Variants in NFIB observed in about 807,000 individuals in gnomAD.
NFIB encodes nuclear factor 1 B-type.
In NFIB, 11 loss-of-function variants were observed where a neutral mutation model predicts 61.5. That is an observed-to-expected ratio of 0.18 (90% confidence interval 0.11 to 0.30). The LOEUF (loss-of-function observed/expected upper bound fraction) is 0.30, where lower values mean the gene tolerates loss of function less well. Among genes scored for constraint, NFIB ranks in the 10% least tolerant of loss-of-function variants. NFIB has a pLI of 1.00. For missense variants in NFIB, 471 were observed against 608.9 expected, an observed-to-expected ratio of 0.77 and a Z score of 2.38; for synonymous variants, 260 against 216.5, an observed-to-expected ratio of 1.20 and a Z score of -1.76.
At chr9:14,365,631 T>C (rs748671446) in intron 1 of NFIB, among the ~76,000 whole-genome samples, 2 of 152,242 alleles carry the variant, frequency 1.3e-5, no homozygotes, top group Non-Finnish European at 2.9e-5. Context: ...TAGATTCTTA[T>C]ACCTTCTAAG....
the NFIB span, among the ~76,000 whole-genome samples, chr9:14,507,997 T>C: frequency 3.1e-4 from 46 of 149,826 alleles, no homozygotes; most frequent in Admixed American, 8.0e-4. Context: ...CACACACATA[T>C]ATATATATAT....
chr9:14,259,162 A>C (rs2056508608), intron 2 of NFIB, among the ~76,000 whole-genome samples: 1 of 152,206 alleles, frequency 6.6e-6, no homozygotes, highest in African/African-American at 2.4e-5. Flanking sequence ...GTTACATACA[A>C]AGCTCATGAA....
intron 2 of NFIB, among the ~76,000 whole-genome samples, chr9:14,260,685 T>C (rs4740564): frequency 0.096 from 14,590 of 152,216 alleles, 982 homozygotes; most frequent in East Asian, 0.26. Flanking sequence ...ACTGTCTACC[T>C]AGAGTGACAA....
rs2060407292 is a variant in NFIB, at chr9:14,313,826, T to TG, written c.-316dup. On this transcript the variant is annotated 5_prime_UTR_variant, in exon 1 of 11. Transcript: ENST00000380953. This position sits in a 1 kb window ranked among gnomAD's most constrained non-coding sequence, Gnocchi z 4.5. ...GTGTTGGCTGCTTTTCGCCTGGGTT[T>TG]GGGGATTTGTTTTCTATTTTGCAGT... 3.1e-6 allele frequency: 4 copies of TG among 1,294,192 alleles called. No homozygotes were observed. Among genetic ancestry groups the TG allele is most frequent in the Non-Finnish European group, 2.9e-6 (3 of 1,018,224 alleles). The allele number at this position is 1,294,192 out of a possible 1,614,324, so 80.2% of individuals were successfully genotyped here.
chr9:14,510,381 AC>A, the NFIB span, among the ~76,000 whole-genome samples: 1 of 152,098 alleles, frequency 6.6e-6, no homozygotes, highest in African/African-American at 2.4e-5. Context: ...CCAGAAATCC[AC>A]CCCACACTAG....
At chr9:14,295,701 C>A (rs1168070612) in intron 2 of NFIB, among the ~76,000 whole-genome samples, 2 of 152,110 alleles carry the variant, frequency 1.3e-5, no homozygotes, top group Non-Finnish European at 2.9e-5. Flanking sequence ...ATCACTTCTG[C>A]CGAAACAAAT....
chr9:14,327,519 G>A (rs964046984), intron 1 of NFIB, among the ~76,000 whole-genome samples: 7 of 152,176 alleles, frequency 4.6e-5, no homozygotes, highest in African/African-American at 1.7e-4. Context: ...TGGGCTGGGT[G>A]CTGCCATACA....
At chr9:14,465,108 C>A in the NFIB span, among the ~76,000 whole-genome samples, 1 of 152,196 alleles carries the variant, frequency 6.6e-6, no homozygotes, top group African/African-American at 2.4e-5. Flanking sequence ...GCAAAGGCTT[C>A]ACTGTAGAGA....
chr9:14,511,156 T>C, the NFIB span, among the ~76,000 whole-genome samples: 2 of 152,186 alleles, frequency 1.3e-5, no homozygotes, highest in African/African-American at 4.8e-5. Context: ...TCTTTATCTT[T>C]CCAGTACTAG....
chr9:14,325,299 A>AAAAATGAATTGT (rs1441313811), intron 1 of NFIB, among the ~76,000 whole-genome samples: 1 of 152,104 alleles, frequency 6.6e-6, no homozygotes, highest in Non-Finnish European at 1.5e-5. Context: ...TTCTGCCTTA[A>AAAAATGAATTGT]GTTGCAGGCA....
intron 1 of NFIB, among the ~76,000 whole-genome samples, chr9:14,336,644 C>T (rs2060889118): frequency 6.6e-6 from 1 of 152,216 alleles, no homozygotes. Flanking sequence ...TAAGCAGGAC[C>T]AGCTTCATGG....
chr9:14,242,296 G>C (rs761377866), intron 2 of NFIB, among the ~76,000 whole-genome samples: 22 of 152,144 alleles, frequency 1.4e-4, no homozygotes, highest in Non-Finnish European at 3.2e-4. Context: ...CCACTCTCTA[G>C]AAGTTTGAAA....
the NFIB span, among the ~76,000 whole-genome samples, chr9:14,507,783 A>C: frequency 6.6e-6 from 1 of 152,172 alleles, no homozygotes; most frequent in Non-Finnish European, 1.5e-5. Context: ...GGTCAGACAG[A>C]AATAAAGCAA....
chr9:14,422,565 G>A, the NFIB span, among the ~76,000 whole-genome samples: 2 of 152,286 alleles, frequency 1.3e-5, no homozygotes, highest in South Asian at 2.1e-4. Flanking sequence ...AAGGCTTAAA[G>A]GCCAACACAC....
At chr9:14,346,622 G>C (rs1419058532) in intron 1 of NFIB, among the ~76,000 whole-genome samples, 1 of 152,168 alleles carries the variant, frequency 6.6e-6, no homozygotes, top group Non-Finnish European at 1.5e-5. Context: ...TGGCTTGCTG[G>C]TTTGAAAGTT....
chr9:14,393,702 G>C (rs1235885458), intron 1 of NFIB, among the ~76,000 whole-genome samples: 1 of 152,174 alleles, frequency 6.6e-6, no homozygotes, highest in Non-Finnish European at 1.5e-5. Flanking sequence ...TCACTTAGCA[G>C]AGCACTCCCG....
intron 1 of NFIB, among the ~76,000 whole-genome samples, chr9:14,354,640 G>A (rs2061154066): frequency 6.6e-6 from 1 of 152,186 alleles, no homozygotes; most frequent in Admixed American, 6.5e-5. Flanking sequence ...CAGCCCTGGG[G>A]AATAATTATG....
At chr9:14,144,599 G>T (rs1220008581) in intron 6 of NFIB, among the ~76,000 whole-genome samples, 1 of 152,152 alleles carries the variant, frequency 6.6e-6, no homozygotes, top group African/African-American at 2.4e-5. Context: ...TTAAGTGCTG[G>T]TTACAGTAAT....
chr9:14,322,329 G>C, intron 1 of NFIB: 3 of 273,406 alleles, frequency 1.1e-5, no homozygotes. Context: ...GTGCGTGTGT[G>C]CATGTATGTG....
Sources: gnomAD v4.1 joint callset for allele counts (sites outside exome capture counted in the v4.1 genomes callset) on GRCh38, gnomAD v4.1.1 for gene constraint, Gnocchi (gnomAD v3.1) non-coding constraint, MANE v1.5 for transcripts, NCBI Gene and HGNC (gene_info 2026-07-23, HGNC 2026-07-21) for gene names.